The following BCLAF1 variants were observed in gnomAD, a reference collection of about 807,000 sequenced individuals.
BCLAF1 encodes BCL2 associated transcription factor 1.
A neutral mutation model predicts 99.5 loss-of-function variants in BCLAF1; 10 were observed. The ratio of observed to expected loss-of-function variants is 0.10; its 90% CI spans 0.06 to 0.17. The LOEUF (loss-of-function observed/expected upper bound fraction) is 0.17. Among genes scored for constraint, BCLAF1 ranks in the 10% least tolerant of loss-of-function variants. The pLI, the probability that BCLAF1 is intolerant of heterozygous loss-of-function variation, is 1.00. For synonymous variants in BCLAF1, 255 were observed against 370.9 expected (o/e 0.69, Z 3.59); for missense variants, 636 against 1,105.8 (o/e 0.58, Z 6.02).
chr6:136,271,144 A>C (rs1029211180), intron 8 of BCLAF1, among the ~76,000 whole-genome samples: 3 of 151,818 alleles, frequency 2.0e-5, no homozygotes, highest in Admixed American at 2.0e-4. Context: ...CAACTCTGCA[A>C]AACAGATGCA....
intron 1 of BCLAF1, among the ~76,000 whole-genome samples, chr6:136,289,483 A>ACG: frequency 6.6e-6 from 1 of 151,232 alleles, no homozygotes; most frequent in East Asian, 2.0e-4. Flanking sequence ...GTTCGCAAAC[A>ACG]CGCGCGCGCC....
In BCLAF1 at chr6:136,279,789, T is replaced by G; in HGVS notation, c.78A>C (p.Arg26Ser). Reference sequence around the variant, plus strand: ...TGTATCGCTTCTTTCTAGAATGAGATCTTGATCTTGATCGAGAACTAGACT... The same window carrying G: ...TGTATCGCTTCTTTCTAGAATGAGAGCTTGATCTTGATCGAGAACTAGACT... ...RSQSSSRSRSRSHSRKKRYSS... is the reference protein window; with the variant it reads ...RSQSSSRSRSSSHSRKKRYSS... The change falls in exon 3 of 13, where the codon AGA becomes AGC. Residue 26 changes from arginine (R) to serine (S), a missense_variant. Arg to Ser is a moderately radical substitution (Grantham distance 110). This residue lies in a region of BCLAF1 where 81 missense variants were observed against 132.5 expected (regional missense o/e 0.61). Transcript: ENST00000531224. 1 of 1,576,348 alleles carries G rather than the reference T, an allele frequency of 6.3e-7. No homozygotes were observed. The highest frequency in any genetic ancestry group is 1.3e-5 in the African/African-American group (1 of 74,224).
At chr6:136,270,432 A>C (rs1305852070) in intron 8 of BCLAF1, 5 of 151,884 alleles carry the variant, frequency 3.3e-5, no homozygotes, top group Non-Finnish European at 7.4e-5. Flanking sequence ...AGCAATGTGG[A>C]CATCCTTGCT....
rs1040215302 is a variant in BCLAF1, at chr6:136,269,586, A to G, written c.2070T>C (p.Ser690=). Residue 690 remains serine, a synonymous_variant, in exon 9 of 13, where the codon TCT becomes TCC. Transcript: ENST00000531224. ...GATCAATGTCATGCCGAAGGTCAGC[A>G]GAGTCACACCTTAATTTTTTATCTC... ...QKGDKKLRCD[S]ADLRHDIDRR... is the part of the protein sequence containing the mutation. 1 of 1,604,172 alleles carries G rather than the reference A, an allele frequency of 6.2e-7. No individual in the cohort carries two copies. Among genetic ancestry groups the G allele is most frequent in the African/African-American group, 1.3e-5 (1 of 74,162 alleles).
Position 136,272,022 on chromosome 6 carries a change from C to T in BCLAF1, c.2016G>A (p.Glu672=), listed in dbSNP as rs1206324870. The change falls in exon 8 of 13, where the codon GAG becomes GAA. Residue 672 remains glutamate (E), a synonymous_variant. Coordinates refer to ENST00000531224, the MANE Select transcript of BCLAF1 (RefSeq NM_014739.3). The part of the protein sequence containing the change: ...LRKHTRLAGE[E]RVFKEENQKG... ...TTTGATTTTCTTCTTTAAAAACTCT[C>T]TCTTCCCCTGCTAAACGGGTATGCT... 1 of 1,606,180 alleles carries T rather than the reference C, an allele frequency of 6.2e-7. No individual in the cohort carries two copies. Among genetic ancestry groups the T allele is most frequent in the African/African-American group, 1.3e-5 (1 of 74,534 alleles).
chr6:136,282,943 T>A (rs1417270911), intron 1 of BCLAF1, among the ~76,000 whole-genome samples: 1 of 151,772 alleles, frequency 6.6e-6, no homozygotes, highest in Non-Finnish European at 1.5e-5. Flanking sequence ...TTTAGTAATT[T>A]GAGCCTTAAA....
At chr6:136,262,255 G>T (rs1056427228) in intron 11 of BCLAF1, among the ~76,000 whole-genome samples, 3 of 152,058 alleles carry the variant, frequency 2.0e-5, no homozygotes, top group African/African-American at 7.2e-5. Flanking sequence ...TCATACAAAA[G>T]GCCAAGGGAG....
At position 136,289,785 on chromosome 6, in the gene BCLAF1, A is replaced by C. The variant is rs1034489689; in HGVS notation, c.-187T>G. The C allele has an allele frequency of 1.3e-5, 2 of 152,686 alleles. No homozygotes were observed. Among genetic ancestry groups the C allele is most frequent in the Admixed American group, 6.5e-5 (1 of 15,286 alleles). 9.5% of individuals were successfully genotyped at this position (152,686 alleles called of 1,614,324 possible). A position where few individuals can be genotyped will look rare whatever the true frequency, so the allele number is the denominator to read the frequency against. On this transcript the variant is annotated 5_prime_UTR_variant, in exon 1 of 13. Coordinates refer to ENST00000531224, the MANE Select transcript of BCLAF1 (RefSeq NM_014739.3). ...CACAGCGGCCATTTCCCGACTCAAGAACGCGAGGAAAACCATAGAGCTACC... is the reference window on the plus strand; with the variant it reads ...CACAGCGGCCATTTCCCGACTCAAGCACGCGAGGAAAACCATAGAGCTACC...
intron 8 of BCLAF1, chr6:136,269,903 A>G (rs2128473606): frequency 4.3e-6 from 1 of 230,072 alleles, no homozygotes. Flanking sequence ...AAATTTTTGT[A>G]CAGTAAATGA....
rs1281504038 is a variant in BCLAF1, at chr6:136,282,681, C to T, written c.-108G>A. 6.6e-6 allele frequency: 1 copy of T among 152,028 alleles called. No individual in the cohort carries two copies. Among genetic ancestry groups the T allele is most frequent in the Non-Finnish European group, 1.5e-5 (1 of 67,994 alleles). The allele number at this position is 152,028 out of a possible 1,614,324, so 9.4% of individuals were successfully genotyped here. A position where few individuals can be genotyped will look rare whatever the true frequency, so the allele number is the denominator to read the frequency against. ...GCTCTGAGAAATTAAACTCTAAATTCGAATTCCTAGCAAAGACAAAAAAAC... is the reference window on the plus strand; with the variant it reads ...GCTCTGAGAAATTAAACTCTAAATTTGAATTCCTAGCAAAGACAAAAAAAC... On this transcript the variant is annotated 5_prime_UTR_variant, in exon 2 of 13. Transcript: ENST00000531224.
chr6:136,287,854 C>T (rs1244355140), intron 1 of BCLAF1, among the ~76,000 whole-genome samples: 1 of 152,180 alleles, frequency 6.6e-6, no homozygotes, highest in Non-Finnish European at 1.5e-5. Context: ...AACTCCGTCT[C>T]TACTAAAAAT....
At chr6:136,287,146 A>G (rs1349761614) in intron 1 of BCLAF1, among the ~76,000 whole-genome samples, 1 of 151,642 alleles carries the variant, frequency 6.6e-6, no homozygotes, top group East Asian at 1.9e-4. Flanking sequence ...TCTCAAGAAA[A>G]AAAAAAAAAA....
rs1472436095 is a variant in BCLAF1 at position 136,259,187 on chromosome 6, TAACAGAATAAAAGTAACC to T, written c.*1905_*1922del. On this transcript the variant is annotated 3_prime_UTR_variant, in exon 13 of 13. Coordinates refer to ENST00000531224, the MANE Select transcript of BCLAF1 (RefSeq NM_014739.3). ...ATAATACTCTTTCTTCAATTCTGTT[TAACAGAATAAAAGTAACC>T]AAAGGTTAAAGCAATGCATTTGAAC... The T allele has an allele frequency of 6.6e-6, 1 of 152,050 alleles. No individual in the cohort carries two copies. Among genetic ancestry groups the T allele is most frequent in the Admixed American group, 6.6e-5 (1 of 15,262 alleles). 9.4% of individuals were successfully genotyped at this position (152,050 alleles called of 1,614,324 possible).
intron 8 of BCLAF1, among the ~76,000 whole-genome samples, chr6:136,271,221 C>T (rs1287658223): frequency 6.6e-6 from 1 of 151,788 alleles, no homozygotes; most frequent in Non-Finnish European, 1.5e-5. Flanking sequence ...GTAGATAGTA[C>T]TTAGTGACAG....
chr6:136,283,495 G>T (rs1235432896), intron 1 of BCLAF1, among the ~76,000 whole-genome samples: 1 of 152,082 alleles, frequency 6.6e-6, no homozygotes, highest in Admixed American at 6.5e-5. Flanking sequence ...AATAAACTTT[G>T]CACAAAATAT....
chr6:136,267,294 T>A, intron 10 of BCLAF1, 119 bp from the exon 11 acceptor site: 2 of 1,198,826 alleles, frequency 1.7e-6, no homozygotes, highest in Non-Finnish European at 2.3e-6. Flanking sequence ...CTAAATCTCA[T>A]GGCCATTGAG....
At chr6:136,275,771 A>G in intron 5 of BCLAF1, 70 bp from the exon 6 acceptor site, 3 of 1,564,700 alleles carry the variant, frequency 1.9e-6, no homozygotes, top group Non-Finnish European at 2.6e-6. Context: ...TGGTATGTTC[A>G]GAAAGTTTAA....
chr6:136,257,395 T>C lies in BCLAF1; in HGVS notation c.*3715A>G, dbSNP rs962836769. 5 of 152,210 alleles carry C rather than the reference T, an allele frequency of 3.3e-5. No individual in the cohort carries two copies. The highest frequency in any genetic ancestry group is 1.2e-4 in the African/African-American group (5 of 41,458). The allele number at this position is 152,210 out of a possible 1,614,324, so 9.4% of individuals were successfully genotyped here. A position where few individuals can be genotyped will look rare whatever the true frequency, so the allele number is the denominator to read the frequency against. ...GTACCCTTAATTAAATGTACAAGTT[T>C]GGTCTCATTACCATCATTGACACAA... is the stretch of plus-strand genomic sequence containing the variant. On this transcript the variant is annotated 3_prime_UTR_variant, in exon 13 of 13. Transcript: ENST00000531224.
chr6:136,270,938 G>C (rs894289470), intron 8 of BCLAF1, among the ~76,000 whole-genome samples: 3 of 151,558 alleles, frequency 2.0e-5, no homozygotes, highest in African/African-American at 7.3e-5. Context: ...CTCAGAATCT[G>C]TTCTTTCAAC....
Sources: gnomAD v4.1 joint callset for allele counts (sites outside exome capture counted in the v4.1 genomes callset) on GRCh38, gnomAD v4.1.1 for gene constraint, gnomAD v4.1.1 regional missense constraint, MANE v1.5 for transcripts, NCBI Gene and HGNC (gene_info 2026-07-23, HGNC 2026-07-21) for gene names.